Variants in RGS9 observed in about 807,000 individuals in gnomAD.
The protein encoded by RGS9 is regulator of G-protein signalling 9.
RGS9 carries 78 observed loss-of-function variants against 102.0 expected under a neutral mutation model. The ratio of observed to expected loss-of-function variants is 0.76; its 90% confidence interval spans 0.64 to 0.92. The LOEUF is 0.92. Ranked by LOEUF, RGS9 falls within the 40% of genes least tolerant of loss-of-function variation. RGS9 has a pLI of 0.00. For synonymous variants in RGS9, 353 were observed against 318.6 expected (o/e 1.11, Z -1.15); for missense variants, 833 against 866.1 (o/e 0.96, Z 0.48).
intron 2 of RGS9, among the ~76,000 whole-genome samples, chr17:65,154,866 C>T (rs955383545): frequency 2.6e-5 from 4 of 152,220 alleles, no homozygotes; most frequent in Non-Finnish European, 5.9e-5. Context: ...GTGAGGCCTC[C>T]CTCTCTATGC....
At chr17:65,212,089 G>T (rs1417375912) in intron 17 of RGS9, among the ~76,000 whole-genome samples, 1 of 152,200 alleles carries the variant, frequency 6.6e-6, no homozygotes, top group East Asian at 1.9e-4. Flanking sequence ...CCATGCTGAA[G>T]ACTGAATTGC....
intron 3 of RGS9, 124 bp from the exon 4 acceptor site, chr17:65,160,109 C>G: frequency 1.2e-6 from 1 of 801,464 alleles, no homozygotes; most frequent in Non-Finnish European, 2.2e-6. Flanking sequence ...GTCCTCACTG[C>G]TCATGAGATG....
chr17:65,215,453 T>C (rs866598190), intron 17 of RGS9, among the ~76,000 whole-genome samples: 6 of 151,922 alleles, frequency 3.9e-5, no homozygotes, highest in African/African-American at 1.5e-4. Context: ...ATTTACGGAG[T>C]TTCTCTTTCT....
chr17:65,151,435 C>T (rs1247884817), intron 1 of RGS9, among the ~76,000 whole-genome samples: 1 of 151,388 alleles, frequency 6.6e-6, no homozygotes, highest in East Asian at 1.9e-4. Flanking sequence ...ATGAAAAAAA[C>T]AACTCTAAAG....
At position 65,210,602 on chromosome 17, in the gene RGS9, C is replaced by A. The variant is rs561529368; in HGVS notation, c.1404C>A (p.Thr468=). 7 of 1,613,762 alleles carry A rather than the reference C, an allele frequency of 4.3e-6. No individual in the cohort carries two copies. The African/African-American group carries it at 5.3e-5, about 12-fold the overall frequency. ...AAGCAGCCAACACTGTGGACATCAC[C>A]CAGGTCATGAGCAAGCTGGACCGCA... The part of the protein sequence containing the change: ...AREAANTVDI[T]QPGQHMAPSP... Residue 468 remains threonine (T), a synonymous_variant, in exon 17 of 19, where the codon ACC becomes ACA. Coordinates refer to ENST00000262406, the MANE Select transcript of RGS9 (RefSeq NM_003835.4).
At chr17:65,219,462 C>T (rs986168043) in intron 17 of RGS9, among the ~76,000 whole-genome samples, 2 of 152,184 alleles carry the variant, frequency 1.3e-5, no homozygotes, top group African/African-American at 4.8e-5. Flanking sequence ...ACAATATTAA[C>T]GATATATTTA....
chr17:65,217,133 G>T (rs922780521), intron 17 of RGS9, among the ~76,000 whole-genome samples: 4 of 152,188 alleles, frequency 2.6e-5, no homozygotes, highest in African/African-American at 7.2e-5. Flanking sequence ...GTGGCCAGCA[G>T]CGTTGAGCAG....
intron 17 of RGS9, among the ~76,000 whole-genome samples, chr17:65,215,256 T>C (rs1913446704): frequency 6.6e-6 from 1 of 152,070 alleles, no homozygotes; most frequent in East Asian, 1.9e-4. Context: ...TAGGACCCGA[T>C]TGAAATGGGG....
At position 65,137,464 on chromosome 17, in the gene RGS9, G is replaced by C; in HGVS notation, c.-77G>C. The C allele has an allele frequency of 6.8e-7, 1 of 1,478,664 alleles. No individual in the cohort carries two copies. The highest frequency in any genetic ancestry group is 9.4e-7 in the Non-Finnish European group (1 of 1,067,192). The allele number at this position is 1,478,664 out of a possible 1,614,324, so 91.6% of individuals were successfully genotyped here. On this transcript the variant is annotated 5_prime_UTR_variant, in exon 1 of 19. Coordinates refer to ENST00000262406, the MANE Select transcript of RGS9 (RefSeq NM_003835.4). ...GACGCCCAGGGCTGGGGCGAGCCAGGCTGCCTTTCGAACTTGGGGGGCTTC... is the reference window on the plus strand; with the variant it reads ...GACGCCCAGGGCTGGGGCGAGCCAGCCTGCCTTTCGAACTTGGGGGGCTTC...
At chr17:65,178,490 A>C (rs928608888) in intron 9 of RGS9, among the ~76,000 whole-genome samples, 2 of 149,076 alleles carry the variant, frequency 1.3e-5, no homozygotes, top group South Asian at 4.2e-4. Flanking sequence ...CTATTTATTT[A>C]TTTATTTATT....
chr17:65,157,082 A>T (rs565878531), intron 2 of RGS9, among the ~76,000 whole-genome samples: 2 of 151,530 alleles, frequency 1.3e-5, no homozygotes, highest in Non-Finnish European at 3.0e-5. Flanking sequence ...ATGTCCCTGC[A>T]CCGCCTCCGA....
chr17:65,227,437 G>A lies in RGS9; in HGVS notation c.*30G>A. On this transcript the variant is annotated 3_prime_UTR_variant, in exon 19 of 19. Coordinates refer to ENST00000262406, the MANE Select transcript of RGS9 (RefSeq NM_003835.4). ...AGAGGCAGGCTGAGCTGGGGGCTCTGGACCAGGAAGATGCTCTGACAGATG... is the reference window on the plus strand; with the variant it reads ...AGAGGCAGGCTGAGCTGGGGGCTCTAGACCAGGAAGATGCTCTGACAGATG... 1 of 1,599,606 alleles carries A rather than the reference G, an allele frequency of 6.3e-7. No homozygotes were observed. Among genetic ancestry groups the A allele is most frequent in the Non-Finnish European group, 8.5e-7 (1 of 1,172,674 alleles).
intron 7 of RGS9, among the ~76,000 whole-genome samples, chr17:65,165,877 C>G (rs1215969807): frequency 1.3e-5 from 2 of 152,168 alleles, no homozygotes; most frequent in East Asian, 3.8e-4. Context: ...TTTAGTGGCT[C>G]AAAACAACAA....
chr17:65,177,476 G>A (rs57302641), intron 8 of RGS9, among the ~76,000 whole-genome samples: 2,436 of 151,852 alleles, frequency 0.016, 81 homozygotes, highest in African/African-American at 0.056. Flanking sequence ...ACCCACCCAC[G>A]CATCTACCCA....
At chr17:65,221,441 C>T (rs1004479367) in intron 17 of RGS9, among the ~76,000 whole-genome samples, 2 of 152,114 alleles carry the variant, frequency 1.3e-5, no homozygotes, top group South Asian at 2.1e-4. Flanking sequence ...TTGACAAAGC[C>T]GAGTTCCTAG....
In RGS9 at chr17:65,173,242, T is replaced by C. The variant is rs528183994; in HGVS notation, c.583-4490T>C. ...TGGCCTCATCTCTATTTCTTTCCCC[T>C]GTCTTATTTTGTTTAGAAAACGAGT... On this transcript the variant is annotated intron_variant, in intron 8 of 18. Transcript: ENST00000262406. This position sits in a 1 kb window ranked among gnomAD's most constrained non-coding sequence, Gnocchi z 4.8. Among the ~76,000 whole-genome samples the C allele has an allele frequency of 2.6e-5, 4 of 152,216 alleles. No individual in the cohort carries two copies. In the South Asian group the frequency reaches 8.3e-4, roughly 32 times the overall value.
At chr17:65,199,147 A>G (rs1035950337) in intron 13 of RGS9, among the ~76,000 whole-genome samples, 4 of 152,246 alleles carry the variant, frequency 2.6e-5, no homozygotes, top group African/African-American at 9.6e-5. Context: ...AGATTTTTAA[A>G]TTGAAATATT....
At chr17:65,164,734 C>T (rs968892487) in intron 7 of RGS9, among the ~76,000 whole-genome samples, 1 of 152,208 alleles carries the variant, frequency 6.6e-6, no homozygotes, top group Non-Finnish European at 1.5e-5. Flanking sequence ...AGAGCTGCCA[C>T]TGCTCATTAG....
chr17:65,153,582 T>C (rs112496663), intron 2 of RGS9, 64 bp downstream of exon 2: 2 of 1,322,412 alleles, frequency 1.5e-6, no homozygotes, highest in Admixed American at 1.7e-5. Context: ...ACGGCCCACC[T>C]CCTGTGTTTG....
Sources: gnomAD v4.1 joint callset for allele counts (sites outside exome capture counted in the v4.1 genomes callset) on GRCh38, gnomAD v4.1.1 for gene constraint, Gnocchi (gnomAD v3.1) non-coding constraint, MANE v1.5 for transcripts, NCBI Gene and HGNC (gene_info 2026-07-23, HGNC 2026-07-21) for gene names.